Variants in B3GAT2 observed in about 807,000 individuals in gnomAD.
The protein encoded by B3GAT2 is beta-1,3-glucuronyltransferase 2, also known as galactosylgalactosylxylosylprotein 3-beta-glucuronosyltransferase 2.
B3GAT2 carries 26 observed loss-of-function variants against 27.8 expected under a neutral mutation model. The ratio of observed to expected loss-of-function variants is 0.93; its 90% CI spans 0.68 to 1.30. B3GAT2 has a LOEUF of 1.30. Among genes scored for constraint, B3GAT2 ranks in the 50% most tolerant of loss-of-function variants. B3GAT2 has a pLI of 0.00. For synonymous variants in B3GAT2, 218 were observed against 195.1 expected, an observed-to-expected ratio of 1.12 and a Z score of -0.98; for missense variants, 458 against 459.0, an observed-to-expected ratio of 1.00 and a Z score of 0.02.
At chr6:70,888,623 G>A (rs1052484219) in intron 2 of B3GAT2, among the ~76,000 whole-genome samples, 1 of 152,032 alleles carries the variant, frequency 6.6e-6, no homozygotes, top group Non-Finnish European at 1.5e-5. Flanking sequence ...GCCAACATGT[G>A]GTTCTCAAAC....
chr6:70,872,231 A>G lies in B3GAT2; in HGVS notation c.737-10253T>C, dbSNP rs532032597. 1.1e-4 allele frequency among the ~76,000 whole-genome samples: 17 copies of G among 151,988 alleles called. No homozygotes were observed. In the South Asian group the frequency reaches 3.5e-3, roughly 32 times the overall value. On this transcript the variant is annotated intron_variant, in intron 2 of 3. Coordinates refer to ENST00000230053, the MANE Select transcript of B3GAT2 (RefSeq NM_080742.3). ...ATCTAATTGATTTACAGTGTTTTTCAAGTCTTCTATCCCAGTTGATCTATC... is the reference window on the plus strand; with the variant it reads ...ATCTAATTGATTTACAGTGTTTTTCGAGTCTTCTATCCCAGTTGATCTATC...
At chr6:70,944,756 G>A (rs1765450854) in intron 1 of B3GAT2, among the ~76,000 whole-genome samples, 1 of 152,198 alleles carries the variant, frequency 6.6e-6, no homozygotes, top group Admixed American at 6.5e-5. Context: ...CTGAGAACAG[G>A]CAGACTGCCT....
At chr6:70,933,381 A>G in intron 1 of B3GAT2, among the ~76,000 whole-genome samples, 1 of 152,212 alleles carries the variant, frequency 6.6e-6, no homozygotes, top group East Asian at 1.9e-4. Context: ...TTCATTAAAG[A>G]AGAATGAAAA....
rs113540266 is a variant in B3GAT2, at chr6:70,950,329, A to G, written c.591+5510T>C. Among the ~76,000 whole-genome samples the G allele has an allele frequency of 1.4e-3, 211 of 152,190 alleles. 1 individual carries two copies. The highest frequency in any genetic ancestry group is 4.9e-3 in the African/African-American group (203 of 41,550). On this transcript the variant is annotated intron_variant, in intron 1 of 3. Transcript: ENST00000230053. ...TATTTTTCAATGTAATACATTAACAACAAAAAGGAAAAAAGTAACAAAAGG... is the reference window on the plus strand; with the variant it reads ...TATTTTTCAATGTAATACATTAACAGCAAAAAGGAAAAAAGTAACAAAAGG...
chr6:70,937,711 G>T (rs1236596410), intron 1 of B3GAT2, among the ~76,000 whole-genome samples: 1 of 151,950 alleles, frequency 6.6e-6, no homozygotes, highest in Non-Finnish European at 1.5e-5. Context: ...AACGCTTCAT[G>T]CTAAAAACTC....
chr6:70,858,285 ATCTTTTTTTT>A lies in B3GAT2; in HGVS notation c.*3368_*3377del. On this transcript the variant is annotated 3_prime_UTR_variant, in exon 4 of 4. Coordinates refer to ENST00000230053, the MANE Select transcript of B3GAT2 (RefSeq NM_080742.3). ...AAATCAAACCAGATTTATTTTCTAAATCTTTTTTTTTTTTTTTTTTTTTTTTTTTTAAGTC... is the reference window on the plus strand; with the variant it reads ...AAATCAAACCAGATTTATTTTCTAAATTTTTTTTTTTTTTTTTTTTAAGTC... The A allele has an allele frequency of 1.0e-4, 102 of 1,019,650 alleles. No individual in the cohort carries two copies. Among genetic ancestry groups the A allele is most frequent in the Non-Finnish European group, 1.3e-4 (96 of 767,878 alleles). 63.2% of individuals were successfully genotyped at this position (1,019,650 alleles called of 1,614,324 possible).
intron 1 of B3GAT2, among the ~76,000 whole-genome samples, chr6:70,901,492 G>A (rs1441686572): frequency 6.6e-6 from 1 of 152,364 alleles, no homozygotes; most frequent in South Asian, 2.1e-4. Context: ...ATTGGTGTGT[G>A]TGTCAAAGGG....
chr6:70,930,697 A>G (rs1028160349), intron 1 of B3GAT2, among the ~76,000 whole-genome samples: 1 of 152,222 alleles, frequency 6.6e-6, no homozygotes, highest in African/African-American at 2.4e-5. Flanking sequence ...CAGGTGCTGG[A>G]GAGGATGGGA....
At position 70,860,125 on chromosome 6, in the gene B3GAT2, C is replaced by CAACT; in HGVS notation, c.*1534_*1537dup. ...GTTGTCACATTAATGAAAAAATGACCAACTGTGTGGCTAAAGAAACAAGAA... is the reference window on the plus strand; with the variant it reads ...GTTGTCACATTAATGAAAAAATGACCAACTAACTGTGTGGCTAAAGAAACAAGAA... On this transcript the variant is annotated 3_prime_UTR_variant, in exon 4 of 4. Transcript: ENST00000230053. 1 of 1,474,000 alleles carries CAACT rather than the reference C, an allele frequency of 6.8e-7. No homozygotes were observed. The highest frequency in any genetic ancestry group is 9.0e-7 in the Non-Finnish European group (1 of 1,107,548). The allele number at this position is 1,474,000 out of a possible 1,614,324, so 91.3% of individuals were successfully genotyped here.
At chr6:70,952,086 C>T (rs1451703456) in intron 1 of B3GAT2, among the ~76,000 whole-genome samples, 1 of 152,026 alleles carries the variant, frequency 6.6e-6, no homozygotes, top group Non-Finnish European at 1.5e-5. Context: ...GGAAAGCACA[C>T]AAATACTTCT....
intron 2 of B3GAT2, among the ~76,000 whole-genome samples, chr6:70,887,216 T>C (rs1031422861): frequency 2.0e-5 from 3 of 152,226 alleles, no homozygotes; most frequent in Non-Finnish European, 2.9e-5. Context: ...TTGATGATCA[T>C]CTGATCCGGG....
intron 1 of B3GAT2, among the ~76,000 whole-genome samples, chr6:70,950,028 G>C (rs1765553942): frequency 6.6e-6 from 1 of 151,338 alleles, no homozygotes; most frequent in Non-Finnish European, 1.5e-5. Context: ...CACAGGAAGG[G>C]GAACATCACA....
chr6:70,931,014 G>A (rs946546385), intron 1 of B3GAT2, among the ~76,000 whole-genome samples: 7 of 152,108 alleles, frequency 4.6e-5, no homozygotes, highest in South Asian at 2.1e-4. Flanking sequence ...ATAAAAAAGA[G>A]TGAGTTCATG....
At chr6:70,916,629 C>T (rs551535784) in intron 1 of B3GAT2, among the ~76,000 whole-genome samples, 69 of 152,170 alleles carry the variant, frequency 4.5e-4, no homozygotes, top group South Asian at 2.7e-3. Flanking sequence ...TTGTTGAAGG[C>T]CTTTGCTGCA....
intron 1 of B3GAT2, among the ~76,000 whole-genome samples, chr6:70,919,065 C>T (rs1482438405): frequency 6.6e-6 from 1 of 152,168 alleles, no homozygotes; most frequent in African/African-American, 2.4e-5. Flanking sequence ...TTCACATAGT[C>T]CCGTATTTCT....
chr6:70,899,037 C>T (rs1037686420), intron 1 of B3GAT2, among the ~76,000 whole-genome samples: 1 of 151,696 alleles, frequency 6.6e-6, no homozygotes, highest in South Asian at 2.1e-4. Context: ...AATGTGGGCC[C>T]ACATGTAACA....
chr6:70,888,949 C>G (rs913916427), intron 2 of B3GAT2, among the ~76,000 whole-genome samples: 3 of 152,216 alleles, frequency 2.0e-5, no homozygotes, highest in Non-Finnish European at 4.4e-5. Flanking sequence ...CACTTGTACT[C>G]ATTTTCGACC....
chr6:70,886,664 G>A (rs1200486011), intron 2 of B3GAT2, among the ~76,000 whole-genome samples: 1 of 152,044 alleles, frequency 6.6e-6, no homozygotes, highest in East Asian at 1.9e-4. Context: ...CAAGCACCCT[G>A]AGTATGAGCA....
intron 2 of B3GAT2, among the ~76,000 whole-genome samples, chr6:70,884,687 G>C (rs1772155203): frequency 6.6e-6 from 1 of 152,246 alleles, no homozygotes; most frequent in African/African-American, 2.4e-5. Context: ...AATGAGTCTG[G>C]AAGAGTAACT....
Sources: gnomAD v4.1 joint callset for allele counts (sites outside exome capture counted in the v4.1 genomes callset) on GRCh38, gnomAD v4.1.1 for gene constraint, MANE v1.5 for transcripts, NCBI Gene and HGNC (gene_info 2026-07-23, HGNC 2026-07-21) for gene names.